Variants in NOSIP observed in about 807,000 individuals in gnomAD.
NOSIP encodes the protein nitric oxide synthase interacting protein, also known as nitric oxide synthase-interacting protein.
In NOSIP, 25 loss-of-function variants were observed where a neutral mutation model predicts 36.4. The ratio of observed to expected loss-of-function variants is 0.69; its 90% CI spans 0.50 to 0.96. The LOEUF is 0.96. NOSIP is among the 40% of genes least tolerant of loss of function. NOSIP has a pLI of 0.00. For synonymous variants in NOSIP, 187 were observed against 179.2 expected (o/e 1.04, Z -0.35); for missense variants, 370 against 429.0 (o/e 0.86, Z 1.21).
chr19:49,572,157 G>A (rs1217941280), intron 1 of NOSIP, among the ~76,000 whole-genome samples: 1 of 149,498 alleles, frequency 6.7e-6, no homozygotes, highest in Non-Finnish European at 1.5e-5. Context: ...CTAGGGTGGA[G>A]TGCAGTGGTG....
At position 49,560,547 on chromosome 19, in the gene NOSIP, A is replaced by C; in HGVS notation, c.70+75T>G. On this transcript the variant is annotated intron_variant, in intron 2 of 8. Coordinates refer to ENST00000596358, the MANE Select transcript of NOSIP (RefSeq NM_001270960.2). This position sits in a 1 kb window ranked among gnomAD's most constrained non-coding sequence, Gnocchi z 4.6. ...GAGAGAGACAGGGACAGAGGAAGCA[A>C]AACCTGGGGCACGAGGGGAGAGGGT... 8.1e-7 allele frequency: 1 copy of C among 1,241,708 alleles called. No homozygotes were observed. The highest frequency in any genetic ancestry group is 1.2e-6 in the Non-Finnish European group (1 of 865,306). The allele number at this position is 1,241,708 out of a possible 1,614,324, so 76.9% of individuals were successfully genotyped here.
intron 1 of NOSIP, among the ~76,000 whole-genome samples, chr19:49,568,087 A>T (rs1275530850): frequency 6.6e-6 from 1 of 152,190 alleles, no homozygotes; most frequent in African/African-American, 2.4e-5. Flanking sequence ...CTTACAGAGA[A>T]AACAGGATTG....
chr19:49,558,025 G>A (rs1385185015), intron 4 of NOSIP: 7 of 716,054 alleles, frequency 9.8e-6, no homozygotes, highest in Non-Finnish European at 1.0e-5. Flanking sequence ...GGAAGAGGGG[G>A]ACAGACCCAC....
intron 1 of NOSIP, chr19:49,579,081 G>A (rs1021860613): frequency 6.6e-6 from 1 of 152,164 alleles, no homozygotes; most frequent in East Asian, 1.9e-4. Context: ...CCAAAGTGGA[G>A]TGGAAGGGGG....
rs114181391 is a variant in NOSIP, at chr19:49,560,423, G to T, written c.70+199C>A. ...ACTCTGTTGGGAGGAGTGAGTTCAT[G>T]CGCAGAAGGCAGAGAACACAGTGCC... is the stretch of plus-strand genomic sequence containing the variant. On this transcript the variant is annotated intron_variant, in intron 2 of 8. Transcript: ENST00000596358. The surrounding 1 kb of genome is among the most constrained non-coding windows in gnomAD (Gnocchi z 4.6). The T allele has an allele frequency of 8.8e-4, 534 of 604,216 alleles. 4 individuals carry two copies. Among genetic ancestry groups the T allele is most frequent in the African/African-American group, 8.7e-3 (474 of 54,270 alleles). 37.4% of individuals were successfully genotyped at this position (604,216 alleles called of 1,614,324 possible).
At chr19:49,571,018 C>T (rs986668274) in intron 1 of NOSIP, among the ~76,000 whole-genome samples, 3 of 152,010 alleles carry the variant, frequency 2.0e-5, no homozygotes, top group Middle Eastern at 3.4e-3. Flanking sequence ...GCTCTGTTGC[C>T]GAAGCTGGAG....
intron 1 of NOSIP, among the ~76,000 whole-genome samples, chr19:49,576,113 C>T (rs1461783758): frequency 1.3e-5 from 2 of 151,490 alleles, no homozygotes; most frequent in African/African-American, 4.9e-5. Flanking sequence ...CCAGCCTGAG[C>T]GACAGAGCGA....
chr19:49,560,578 C>T lies in NOSIP; in HGVS notation c.70+44G>A, dbSNP rs2080319261. 3 of 1,489,274 alleles carry T rather than the reference C, an allele frequency of 2.0e-6. No individual in the cohort carries two copies. Among genetic ancestry groups the T allele is most frequent in the East Asian group, 2.4e-5 (1 of 41,234 alleles). 92.3% of individuals were successfully genotyped at this position (1,489,274 alleles called of 1,614,324 possible). On this transcript the variant is annotated intron_variant, in intron 2 of 8. Transcript: ENST00000596358. This position sits in a 1 kb window ranked among gnomAD's most constrained non-coding sequence, Gnocchi z 4.6. The stretch of plus-strand genomic sequence containing the variant: ...GGGGCACGAGGGGAGAGGGTGACTC[C>T]AAGACACAGCCATGTCCCGCCTCTT...
At chr19:49,558,344 G>T (rs1463804812) in intron 4 of NOSIP, 1 of 150,854 alleles carries the variant, frequency 6.6e-6, no homozygotes, top group Non-Finnish European at 1.5e-5. Context: ...TACCTCATGG[G>T]TTCAAGCGAT....
At chr19:49,577,418 G>A (rs930563420) in intron 1 of NOSIP, among the ~76,000 whole-genome samples, 4 of 152,018 alleles carry the variant, frequency 2.6e-5, no homozygotes, top group African/African-American at 9.7e-5. Context: ...TTAGCTAGGC[G>A]TGGTAGCGCA....
intron 1 of NOSIP, among the ~76,000 whole-genome samples, chr19:49,576,527 T>C (rs997253286): frequency 6.6e-6 from 1 of 151,500 alleles, no homozygotes; most frequent in African/African-American, 2.4e-5. Flanking sequence ...CAGTGAGTTA[T>C]GATCGTGCCA....
intron 1 of NOSIP, among the ~76,000 whole-genome samples, chr19:49,579,545 A>G (rs948718602): frequency 3.3e-5 from 5 of 152,206 alleles, no homozygotes; most frequent in African/African-American, 1.2e-4. Context: ...AAGTTAATCA[A>G]TTTAATCAAC....
chr19:49,559,788 C>G, intron 3 of NOSIP, 146 bp downstream of exon 3: 1 of 678,810 alleles, frequency 1.5e-6, no homozygotes, highest in South Asian at 1.6e-5. Flanking sequence ...GCCCATGTCC[C>G]ATGTGAGAAT....
intron 1 of NOSIP, among the ~76,000 whole-genome samples, chr19:49,573,492 G>A (rs965343922): frequency 6.6e-6 from 1 of 152,158 alleles, no homozygotes; most frequent in Non-Finnish European, 1.5e-5. Flanking sequence ...CTGGGTCCCA[G>A]CATTGCCTGG....
chr19:49,570,461 G>T (rs537759894), intron 1 of NOSIP, among the ~76,000 whole-genome samples: 2 of 152,236 alleles, frequency 1.3e-5, no homozygotes, highest in East Asian at 3.9e-4. Context: ...AGTTGGATGC[G>T]ATCTGACAAA....
chr19:49,562,646 C>T (rs1012536573), intron 1 of NOSIP, among the ~76,000 whole-genome samples: 4 of 152,016 alleles, frequency 2.6e-5, no homozygotes, highest in Admixed American at 6.6e-5. Context: ...TTTGGGAAGC[C>T]GAGGCGGGGG....
At chr19:49,572,687 T>C (rs971672620) in intron 1 of NOSIP, among the ~76,000 whole-genome samples, 1 of 151,734 alleles carries the variant, frequency 6.6e-6, no homozygotes, top group African/African-American at 2.4e-5. Context: ...TATATATATA[T>C]ATATGGCTGG....
In NOSIP at chr19:49,556,656, G is replaced by C. The variant is rs991270581; in HGVS notation, c.618C>G (p.Asp206Glu). ...TGAGCCCCACGCGGTCCACGGAGCT[G>C]TCTAGCGGTGTGAAGTGCACGGGCG... ...DLTPVHFTPL[D>E]SSVDRVGLIT... The change falls in exon 7 of 9, where the codon GAC becomes GAG. Residue 206 changes from aspartate to glutamate, a missense_variant. By Grantham distance (45) the Asp-to-Glu change is conservative. Around this residue, in one of 3 missense-constraint regions of NOSIP, gnomAD observed 315 missense variants for 331.9 expected, o/e 0.95. Transcript: ENST00000596358. The C allele has an allele frequency of 6.2e-7, 1 of 1,611,666 alleles. No homozygotes were observed. The highest frequency in any genetic ancestry group is 8.5e-7 in the Non-Finnish European group (1 of 1,179,648).
rs549458270 is a variant in NOSIP at position 49,565,568 on chromosome 19, T to C, written c.-1-4876A>G. 9.9e-5 allele frequency among the ~76,000 whole-genome samples: 15 copies of C among 151,974 alleles called. No homozygotes were observed. The East Asian group carries it at 2.9e-3, about 29-fold the overall frequency. On this transcript the variant is annotated intron_variant, in intron 1 of 8. Coordinates refer to ENST00000596358, the MANE Select transcript of NOSIP (RefSeq NM_001270960.2). ...GTTTGAGACTAGTCTGGGCAACATA[T>C]TGAGACCCCATCTCTACAAAAAAAT... is the stretch of plus-strand genomic sequence containing the variant.
Sources: gnomAD v4.1 joint callset for allele counts (sites outside exome capture counted in the v4.1 genomes callset) on GRCh38, gnomAD v4.1.1 for gene constraint, gnomAD v4.1.1 regional missense constraint, Gnocchi (gnomAD v3.1) non-coding constraint, MANE v1.5 for transcripts, NCBI Gene and HGNC (gene_info 2026-07-23, HGNC 2026-07-21) for gene names.